Variants in FARP2 observed in about 807,000 individuals in gnomAD.
FARP2 encodes FERM, ARHGEF and pleckstrin domain-containing protein 2.
Under a neutral mutation model 130.5 loss-of-function variants are expected in FARP2, and 111 were observed. The observed-to-expected ratio is 0.85, with a 90% CI of 0.73 to 1.00. The LOEUF is 1.00. Among genes scored for constraint, FARP2 ranks in the 50% least tolerant of loss-of-function variants. The pLI, the probability that FARP2 is intolerant of heterozygous loss-of-function variation, is 0.00. For missense variants in FARP2, 1,385 were observed against 1,346.3 expected (o/e 1.03, Z -0.45); for synonymous variants, 504 against 516.9 (o/e 0.98, Z 0.34).
intron 5 of FARP2, 163 bp from the exon 6 acceptor site, chr2:241,410,870 C>T: frequency 3.4e-6 from 2 of 585,290 alleles, no homozygotes; most frequent in Admixed American, 2.8e-5. Flanking sequence ...TCATGAAAGG[C>T]CTTTTGTGAC....
At position 241,408,403 on chromosome 2, in the gene FARP2, C is replaced by T. The variant is rs750332430; in HGVS notation, c.410+788C>T. ...AAAAAAGAAAAGAAAATTATCCAGGCGTGGTGGCAGGCATCTTTAATCCCA... is the reference window on the plus strand; with the variant it reads ...AAAAAAGAAAAGAAAATTATCCAGGTGTGGTGGCAGGCATCTTTAATCCCA... On this transcript the variant is annotated intron_variant, in intron 5 of 26. Transcript: ENST00000264042. 6.6e-5 allele frequency among the ~76,000 whole-genome samples: 10 copies of T among 151,318 alleles called. No homozygotes were observed. The South Asian group carries it at 8.3e-4, about 13-fold the overall frequency.
intron 2 of FARP2, among the ~76,000 whole-genome samples, chr2:241,387,649 C>T (rs756227113): frequency 7.2e-5 from 11 of 151,846 alleles, no homozygotes; most frequent in Non-Finnish European, 1.5e-4. Context: ...AAAAATTAGC[C>T]AGGCGTGGTG....
chr2:241,472,168 G>A (rs200559225), intron 18 of FARP2, among the ~76,000 whole-genome samples: 3,690 of 68,500 alleles, frequency 0.054, no homozygotes, highest in Admixed American at 0.18. Context: ...CCTGTTCTTA[G>A]GGGGATCCTG....
At chr2:241,419,028 A>G (rs944468160) in intron 8 of FARP2, among the ~76,000 whole-genome samples, 1 of 152,178 alleles carries the variant, frequency 6.6e-6, no homozygotes. Context: ...CATTGCCTGC[A>G]TGAGCTGCTG....
At chr2:241,405,704 C>T (rs533430050) in intron 4 of FARP2, among the ~76,000 whole-genome samples, 8 of 152,174 alleles carry the variant, frequency 5.3e-5, no homozygotes, top group South Asian at 4.1e-4. Context: ...GAGGCCCAAG[C>T]GGGCAGATCA....
chr2:241,367,092 T>C (rs2061334567), intron 1 of FARP2, among the ~76,000 whole-genome samples: 2 of 152,132 alleles, frequency 1.3e-5, no homozygotes, highest in South Asian at 4.1e-4. Flanking sequence ...TGCCCACATA[T>C]GGATCCTCCT....
intron 8 of FARP2, among the ~76,000 whole-genome samples, chr2:241,420,125 T>C (rs555514592): frequency 1.5e-3 from 225 of 152,356 alleles, no homozygotes; most frequent in Non-Finnish European, 2.4e-3. Flanking sequence ...CACTGCAGCC[T>C]GGGCACCTTG....
At chr2:241,437,688 G>A (rs1484602228) in intron 12 of FARP2, among the ~76,000 whole-genome samples, 15 of 100,482 alleles carry the variant, frequency 1.5e-4, no homozygotes, top group African/African-American at 3.9e-4. Flanking sequence ...TTTTTGAGAC[G>A]GAGTCTTGCT....
intron 8 of FARP2, among the ~76,000 whole-genome samples, chr2:241,420,337 A>G (rs1036549629): frequency 7.9e-5 from 12 of 152,126 alleles, no homozygotes; most frequent in Non-Finnish European, 1.8e-4. Flanking sequence ...TTGTGGGGAA[A>G]AGAGAGAAAA....
chr2:241,426,044 A>G (rs563949240), intron 8 of FARP2, among the ~76,000 whole-genome samples: 3 of 152,128 alleles, frequency 2.0e-5, no homozygotes, highest in Admixed American at 6.6e-5. Context: ...AAAAAATTTA[A>G]CTACTACTCT....
chr2:241,357,302 A>G (rs1482135031), intron 1 of FARP2, among the ~76,000 whole-genome samples: 1 of 152,142 alleles, frequency 6.6e-6, no homozygotes, highest in East Asian at 1.9e-4. Flanking sequence ...CTGAGGTGGC[A>G]GTGGGTTAGC....
chr2:241,418,040 C>T lies in FARP2; in HGVS notation c.702C>T (p.His234=), dbSNP rs1411273201. 6.2e-7 allele frequency: 1 copy of T among 1,614,188 alleles called. No homozygotes were observed. Among genetic ancestry groups the T allele is most frequent in the Non-Finnish European group, 8.5e-7 (1 of 1,180,024 alleles). ...TGGAAATGTACGGCATCAGATTTCA[C>T]ATGGCTTCTGACAGGGAAGGAACCA... ...RKLEMYGIRF[H]MASDREGTKI... The change falls in exon 8 of 27, where the codon CAC becomes CAT. Residue 234 remains histidine (H), a synonymous_variant. Transcript: ENST00000264042.
At position 241,441,507 on chromosome 2, in the gene FARP2, C is replaced by T. The variant is rs1156806130; in HGVS notation, c.1362C>T (p.Asp454=). Reference sequence around the variant, plus strand: ...GTGGAGCAGTGGCTGGAGGCCCCGACACACCATCGGCCCAGCCCCTCGGGC... The same window carrying T: ...GTGGAGCAGTGGCTGGAGGCCCCGATACACCATCGGCCCAGCCCCTCGGGC... ...RRSGAVAGGP[D]TPSAQPLGPP... is the part of the protein sequence containing the mutation. The change falls in exon 13 of 27, where the codon GAC becomes GAT. Residue 454 remains aspartate, a synonymous_variant. Coordinates refer to ENST00000264042, the MANE Select transcript of FARP2 (RefSeq NM_014808.4). 2.5e-6 allele frequency: 4 copies of T among 1,614,064 alleles called. No homozygotes were observed. The highest frequency in any genetic ancestry group is 2.2e-5 in the South Asian group (2 of 91,088).
rs973593403 is a variant in FARP2 at position 241,358,427 on chromosome 2, T to C, written c.-25+2039T>C. On this transcript the variant is annotated intron_variant, in intron 1 of 26. Coordinates refer to ENST00000264042, the MANE Select transcript of FARP2 (RefSeq NM_014808.4). ...ACTGGATTGCCAAAGCAAAGATCAA[T>C]GCATGGGCAATTCCATGTGAGCTCA... Among the ~76,000 whole-genome samples the C allele has an allele frequency of 7.2e-5, 11 of 152,368 alleles. No homozygotes were observed. The East Asian group carries it at 1.9e-3, about 27-fold the overall frequency.
chr2:241,492,946 T>C lies in FARP2; in HGVS notation c.2805T>C (p.Tyr935=), dbSNP rs769980116. The change falls in exon 25 of 27, where the codon TAT becomes TAC. Residue 935 remains tyrosine (Y), a synonymous_variant. Coordinates refer to ENST00000264042, the MANE Select transcript of FARP2 (RefSeq NM_014808.4). ...SAAVENQLSG[Y]LLRKFKNSHG... ...ATTGACAGAACCAGCTTTCAGGATA[T>C]CTGCTAAGAAAGTTCAAAAACAGTC... 2 of 1,609,144 alleles carry C rather than the reference T, an allele frequency of 1.2e-6. No individual in the cohort carries two copies. The highest frequency in any genetic ancestry group is 2.7e-5 in the African/African-American group (2 of 74,844).
chr2:241,469,740 C>T (rs2064260129), intron 18 of FARP2, among the ~76,000 whole-genome samples: 1 of 152,184 alleles, frequency 6.6e-6, no homozygotes, highest in Non-Finnish European at 1.5e-5. Context: ...CCCGGGCCAC[C>T]AGGGAAGCCA....
At chr2:241,466,459 G>A (rs2064171619) in intron 17 of FARP2, 3 of 985,446 alleles carry the variant, frequency 3.0e-6, no homozygotes, top group Non-Finnish European at 3.6e-6. Flanking sequence ...GCAGGCCGGG[G>A]ACCAGCAGAC....
chr2:241,381,302 C>T (rs187670064), intron 2 of FARP2, among the ~76,000 whole-genome samples: 3 of 152,010 alleles, frequency 2.0e-5, no homozygotes, highest in Non-Finnish European at 4.4e-5. Flanking sequence ...TCAGCTGTAC[C>T]CCGGCCTGCT....
chr2:241,459,394 C>G lies in FARP2; in HGVS notation c.1587+2472C>G, dbSNP rs2150464098. ...GCTGCCACTGAGGCCACCCGTCAAG[C>G]TTTTGCACTTGCACCCAGTTGCTGG... On this transcript the variant is annotated intron_variant, in intron 14 of 26. Transcript: ENST00000264042. This position sits in a 1 kb window ranked among gnomAD's most constrained non-coding sequence, Gnocchi z 5.3. Among the ~76,000 whole-genome samples the G allele has an allele frequency of 6.6e-6, 1 of 152,344 alleles. No homozygotes were observed. Among genetic ancestry groups the G allele is most frequent in the Admixed American group, 6.5e-5 (1 of 15,306 alleles).
Sources: allele counts gnomAD v4.1 joint callset (sites outside exome capture counted in the v4.1 genomes callset), GRCh38; gene constraint gnomAD v4.1.1; non-coding constraint Gnocchi (gnomAD v3.1); transcripts MANE v1.5; gene names NCBI Gene and HGNC (gene_info 2026-07-23, HGNC 2026-07-21).